The following RTN4 variants were observed in gnomAD, a reference collection of about 807,000 sequenced individuals.
RTN4 encodes the protein reticulon 4.
In RTN4, 32 loss-of-function variants were observed where a neutral mutation model predicts 90.4. That is an observed-to-expected ratio of 0.35 (90% CI 0.27 to 0.48). The LOEUF is 0.48. Ranked by LOEUF, RTN4 falls within the 20% of genes least tolerant of loss-of-function variation. RTN4 has a pLI of 0.99. For synonymous variants in RTN4, 629 were observed against 552.5 expected (o/e 1.14, Z -1.94); for missense variants, 1,706 against 1,430.2 (o/e 1.19, Z -3.11).
At chr2:55,063,382 A>C (rs1269757799) in intron 2 of RTN4, among the ~76,000 whole-genome samples, 1 of 152,106 alleles carries the variant, frequency 6.6e-6, no homozygotes, top group East Asian at 1.9e-4. Context: ...GCGTGTGGGA[A>C]GTGGTAAAGT....
chr2:55,131,357 C>T, the RTN4 span, among the ~76,000 whole-genome samples: 2 of 151,926 alleles, frequency 1.3e-5, no homozygotes, highest in African/African-American at 4.8e-5. Context: ...TACAGGCATG[C>T]ACCACCATAC....
the RTN4 span, among the ~76,000 whole-genome samples, chr2:55,120,792 T>C: frequency 6.6e-6 from 1 of 151,890 alleles, no homozygotes; most frequent in African/African-American, 2.4e-5. Flanking sequence ...TCAGCAGCTG[T>C]TGGGTGGAAA....
rs183888059 is a variant in RTN4 at position 55,014,613 on chromosome 2, G to A, written c.3013+10473C>T. 11 of 152,176 alleles carry A rather than the reference G, an allele frequency of 7.2e-5. No individual in the cohort carries two copies. In the East Asian group the frequency reaches 2.1e-3, roughly 29 times the overall value. 9.4% of individuals were successfully genotyped at this position (152,176 alleles called of 1,614,324 possible). Reference sequence around the variant, plus strand: ...GCTCACTGCAACCTCCACCTCCCGGGTTCAAGTGATTCTCCTGCCTAGCCT... The same window carrying A: ...GCTCACTGCAACCTCCACCTCCCGGATTCAAGTGATTCTCCTGCCTAGCCT... On this transcript the variant is annotated intron_variant, in intron 3 of 8. Transcript: ENST00000337526.
intron 1 of RTN4, among the ~76,000 whole-genome samples, chr2:55,039,329 AT>A: frequency 6.6e-6 from 1 of 152,346 alleles, no homozygotes; most frequent in South Asian, 2.1e-4. Flanking sequence ...CAACAAATAA[AT>A]TGCAGAGAGA....
chr2:55,106,598 C>A (rs961867477), intron 1 of RTN4, among the ~76,000 whole-genome samples: 2 of 152,204 alleles, frequency 1.3e-5, no homozygotes, highest in African/African-American at 4.8e-5. Flanking sequence ...CGGCTCACTG[C>A]AACCTCTGCT....
At chr2:55,086,750 C>A (rs1240571087) in intron 1 of RTN4, among the ~76,000 whole-genome samples, 1 of 151,970 alleles carries the variant, frequency 6.6e-6, no homozygotes, top group East Asian at 1.9e-4. Flanking sequence ...TTTCAGCCAT[C>A]ATCTTTCCCG....
At chr2:55,008,142 AACACACACACACACACAC>A (rs200633765) in intron 3 of RTN4, among the ~76,000 whole-genome samples, 2 of 145,028 alleles carry the variant, frequency 1.4e-5, no homozygotes, top group Non-Finnish European at 3.0e-5. Context: ...TCGGCAAGCA[AACACACACACACACACAC>A]ACACACACAC....
At chr2:55,126,137 G>A in the RTN4 span, among the ~76,000 whole-genome samples, 2 of 152,020 alleles carry the variant, frequency 1.3e-5, no homozygotes, top group South Asian at 2.1e-4. Flanking sequence ...GCCAAGGAGG[G>A]CAGATCACCT....
chr2:55,016,568 A>G (rs1681053267), intron 3 of RTN4, among the ~76,000 whole-genome samples: 1 of 152,240 alleles, frequency 6.6e-6, no homozygotes, highest in Non-Finnish European at 1.5e-5. Flanking sequence ...TGAGTGACAG[A>G]GCGAGACTAT....
chr2:55,137,388 G>C, the RTN4 span, among the ~76,000 whole-genome samples: 86 of 152,304 alleles, frequency 5.6e-4, no homozygotes, highest in Middle Eastern at 0.014. Flanking sequence ...TCAGGAAAGA[G>C]CCAGACCAGA....
At chr2:54,996,730 A>G (rs968504191) in intron 3 of RTN4, among the ~76,000 whole-genome samples, 8 of 152,230 alleles carry the variant, frequency 5.3e-5, no homozygotes, top group African/African-American at 1.7e-4. Flanking sequence ...TTAAACTAGA[A>G]AACTCTTTTA....
intron 2 of RTN4, among the ~76,000 whole-genome samples, chr2:55,060,079 A>G (rs1668263516): frequency 1.3e-5 from 2 of 152,134 alleles, no homozygotes; most frequent in Non-Finnish European, 2.9e-5. Context: ...GTGTCTTGCT[A>G]TCTTCCCACA....
At position 54,982,533 on chromosome 2, in the gene RTN4, A is replaced by G. The variant is rs1678221364; in HGVS notation, c.3342T>C (p.Asp1114=). Reference sequence around the variant, plus strand: ...AACTTACCTTCAGAGAATCAACTAAATCATCAACTAAGAAGAGGCGCCTGA... The same window carrying G: ...AACTTACCTTCAGAGAATCAACTAAGTCATCAACTAAGAAGAGGCGCCTGA... The part of the protein sequence containing the change: ...KELRRLFLVD[D]LVDSLKFAVL... The change falls in exon 5 of 9, where the codon GAT becomes GAC. Residue 1114 remains aspartate, a synonymous_variant. Transcript: ENST00000337526. 6.2e-7 allele frequency: 1 copy of G among 1,611,148 alleles called. No individual in the cohort carries two copies.
intron 2 of RTN4, among the ~76,000 whole-genome samples, chr2:55,076,108 GCA>G (rs2105023008): frequency 6.6e-6 from 1 of 152,262 alleles, no homozygotes; most frequent in South Asian, 2.1e-4. Context: ...AAAAGCTCCT[GCA>G]CAGCAAAAGA....
At chr2:55,056,891 CA>C (rs1450484824) in intron 2 of RTN4, among the ~76,000 whole-genome samples, 5 of 152,116 alleles carry the variant, frequency 3.3e-5, no homozygotes, top group Non-Finnish European at 5.9e-5. Context: ...AGAAATTTTA[CA>C]ATGGAGAATC....
chr2:55,125,511 A>G, the RTN4 span, among the ~76,000 whole-genome samples: 1 of 152,234 alleles, frequency 6.6e-6, no homozygotes, highest in Non-Finnish European at 1.5e-5. Context: ...CACGCCCATA[A>G]TCCCAACACT....
chr2:54,993,519 A>G (rs995628051), intron 3 of RTN4, among the ~76,000 whole-genome samples: 1 of 152,236 alleles, frequency 6.6e-6, no homozygotes, highest in East Asian at 1.9e-4. Flanking sequence ...GCAGTACTCA[A>G]TGATAGTAAG....
At chr2:55,053,740 T>C (rs1367563055), upstream of RTN4, among the ~76,000 whole-genome samples, 2 of 149,370 alleles carry the variant, frequency 1.3e-5, no homozygotes, top group Admixed American at 1.3e-4. Flanking sequence ...TCATCAGAAG[T>C]AGAAGATTAA....
rs780609264 is a variant in RTN4, at chr2:55,049,605, AC to A, written c.556+139del. The A allele has an allele frequency of 2.0e-5, 28 of 1,367,900 alleles. No individual in the cohort carries two copies. In the South Asian group the frequency reaches 3.5e-4, roughly 17 times the overall value. The allele number at this position is 1,367,900 out of a possible 1,614,324, so 84.7% of individuals were successfully genotyped here. ...CCCTTCTCCCCGCGCTTCCAACCAG[AC>A]GGGGCGCCATCGCCCCGAAGTCCGC... On this transcript the variant is annotated intron_variant, in intron 1 of 8. Transcript: ENST00000337526.
Sources: allele counts gnomAD v4.1 joint callset (sites outside exome capture counted in the v4.1 genomes callset), GRCh38; gene constraint gnomAD v4.1.1; transcripts MANE v1.5; gene names NCBI Gene and HGNC (gene_info 2026-07-23, HGNC 2026-07-21).